DCC: variants seen among roughly 807,000 people sequenced by gnomAD.
The protein encoded by DCC is netrin receptor DCC.
In DCC, 58 loss-of-function variants were observed where a neutral mutation model predicts 172.5. The observed-to-expected ratio is 0.34, with a 90% CI of 0.27 to 0.42. The LOEUF is 0.42. Ranked by LOEUF, DCC falls within the 10% of genes least tolerant of loss-of-function variation. The pLI is 1.00. For synonymous variants in DCC, 709 were observed against 644.5 expected, an observed-to-expected ratio of 1.10 and a Z score of -1.52; for missense variants, 1,740 against 1,791.0, an observed-to-expected ratio of 0.97 and a Z score of 0.51.
intron 1 of DCC, among the ~76,000 whole-genome samples, chr18:52,596,102 T>C (rs1332477709): frequency 6.6e-6 from 1 of 152,230 alleles, no homozygotes; most frequent in Non-Finnish European, 1.5e-5. Flanking sequence ...TACTCAGCAC[T>C]TACAATCTTT....
At chr18:52,631,945 A>C (rs1236825123) in intron 1 of DCC, among the ~76,000 whole-genome samples, 2 of 152,160 alleles carry the variant, frequency 1.3e-5, no homozygotes, top group Non-Finnish European at 2.9e-5. Flanking sequence ...AGCTCTGATT[A>C]GGCCCTGTCT....
intron 1 of DCC, among the ~76,000 whole-genome samples, chr18:52,705,020 T>C (rs2036183215): frequency 6.6e-6 from 1 of 152,166 alleles, no homozygotes; most frequent in Non-Finnish European, 1.5e-5. Context: ...GAGATCATCC[T>C]GGGATTGTGT....
intron 1 of DCC, among the ~76,000 whole-genome samples, chr18:52,684,510 C>T (rs12962177): frequency 0.41 from 61,684 of 151,718 alleles, 12,915 homozygotes; most frequent in Non-Finnish European, 0.47. Flanking sequence ...GTGTGGTGAT[C>T]GTACACTCTC....
At chr18:52,459,474 T>C (rs1481808821) in intron 1 of DCC, among the ~76,000 whole-genome samples, 1 of 152,056 alleles carries the variant, frequency 6.6e-6, no homozygotes, top group Non-Finnish European at 1.5e-5. Context: ...CTTTCTTTCT[T>C]TCTTTCTTTT....
intron 1 of DCC, among the ~76,000 whole-genome samples, chr18:52,558,344 C>T (rs760748893): frequency 2.6e-5 from 4 of 151,950 alleles, no homozygotes; most frequent in Non-Finnish European, 5.9e-5. Context: ...AGCAAAGCTT[C>T]GTAGAACCAT....
intron 12 of DCC, among the ~76,000 whole-genome samples, chr18:53,277,999 G>T (rs768997477): frequency 6.6e-6 from 1 of 152,086 alleles, no homozygotes; most frequent in Non-Finnish European, 1.5e-5. Flanking sequence ...TAGGTATTCT[G>T]TTCACACACA....
intron 27 of DCC, among the ~76,000 whole-genome samples, chr18:53,524,611 A>G (rs1020625450): frequency 6.6e-6 from 1 of 152,102 alleles, no homozygotes; most frequent in African/African-American, 2.4e-5. Context: ...GCTGGAGTTG[A>G]TTAAAGTCTT....
At chr18:53,129,923 A>G (rs1229504821) in intron 7 of DCC, among the ~76,000 whole-genome samples, 4 of 152,160 alleles carry the variant, frequency 2.6e-5, no homozygotes, top group East Asian at 3.9e-4. Context: ...ACCCTAGAGT[A>G]GTTCTACAAC....
chr18:53,498,876 T>C (rs2046060492), intron 26 of DCC, among the ~76,000 whole-genome samples: 1 of 152,194 alleles, frequency 6.6e-6, no homozygotes, highest in Non-Finnish European at 1.5e-5. Context: ...TGACATGGCA[T>C]GTTTAAATCA....
intron 11 of DCC, among the ~76,000 whole-genome samples, chr18:53,211,738 A>G (rs1413739120): frequency 6.6e-6 from 1 of 152,006 alleles, no homozygotes; most frequent in African/African-American, 2.4e-5. Flanking sequence ...ATAAAATAAA[A>G]TAAAATAAAT....
intron 1 of DCC, among the ~76,000 whole-genome samples, chr18:52,380,781 C>A (rs745446712): frequency 1.3e-5 from 2 of 152,090 alleles, no homozygotes; most frequent in Non-Finnish European, 2.9e-5. Flanking sequence ...TAGCTTCTTG[C>A]ACCCAATGTA....
At chr18:52,709,453 G>A (rs2036259791) in intron 1 of DCC, among the ~76,000 whole-genome samples, 1 of 152,142 alleles carries the variant, frequency 6.6e-6, no homozygotes, top group Non-Finnish European at 1.5e-5. Context: ...CAGGGGCATG[G>A]CTCTAAATCT....
At chr18:53,427,619 A>G (rs1040308822) in intron 21 of DCC, among the ~76,000 whole-genome samples, 1 of 151,042 alleles carries the variant, frequency 6.6e-6, no homozygotes, top group Admixed American at 6.7e-5. Flanking sequence ...ATCTTTTCTC[A>G]CCTGAAATCT....
At chr18:53,400,775 C>A (rs887564747) in intron 18 of DCC, among the ~76,000 whole-genome samples, 68 of 152,024 alleles carry the variant, frequency 4.5e-4, no homozygotes, top group African/African-American at 1.5e-3. Context: ...ATAACTAATT[C>A]TTCATTGTAT....
rs71175533 is a variant in DCC at position 52,879,412 on chromosome 18, C to CTTTTT, written c.413-26607_413-26603dup. ...AATTTCTAGCCCATATGTTGTTTGG[C>CTTTTT]TTTTTTTTTTTTTTTTTTTTTTTTT... On this transcript the variant is annotated intron_variant, in intron 2 of 28. Coordinates refer to ENST00000442544, the MANE Select transcript of DCC (RefSeq NM_005215.4). 7.5e-3 allele frequency among the ~76,000 whole-genome samples: 468 copies of CTTTTT among 62,260 alleles called. 102 individuals carry two copies. The highest frequency in any genetic ancestry group is 0.017 in the African/African-American group (239 of 14,468). The allele number at this position is 62,260 out of a possible 152,430, so 40.8% of individuals were successfully genotyped here.
chr18:53,108,882 C>T (rs2043289342), intron 7 of DCC, among the ~76,000 whole-genome samples: 1 of 151,280 alleles, frequency 6.6e-6, no homozygotes, highest in Non-Finnish European at 1.5e-5. Context: ...CTAGAATGAA[C>T]ATGCTTGGAC....
chr18:52,825,546 T>G (rs994174962), intron 2 of DCC, among the ~76,000 whole-genome samples: 1 of 152,214 alleles, frequency 6.6e-6, no homozygotes, highest in African/African-American at 2.4e-5. Flanking sequence ...GGAAATTACC[T>G]ATTTTTTGTC....
At chr18:52,871,135 T>C (rs914615692) in intron 2 of DCC, among the ~76,000 whole-genome samples, 6 of 152,064 alleles carry the variant, frequency 3.9e-5, no homozygotes, top group African/African-American at 1.4e-4. Context: ...GGACAAAAAG[T>C]GTGCTGCTTA....
At chr18:52,562,687 G>A (rs1017899725) in intron 1 of DCC, among the ~76,000 whole-genome samples, 2 of 151,996 alleles carry the variant, frequency 1.3e-5, no homozygotes, top group Non-Finnish European at 2.9e-5. Context: ...AAAATGAAGA[G>A]TTGAATATTG....
Sources: allele counts gnomAD v4.1 joint callset (sites outside exome capture counted in the v4.1 genomes callset), GRCh38; gene constraint gnomAD v4.1.1; transcripts MANE v1.5; gene names NCBI Gene and HGNC (gene_info 2026-07-23, HGNC 2026-07-21).